ADAMTSL3: variants seen among roughly 807,000 people sequenced by gnomAD.
ADAMTSL3 encodes the protein ADAMTS like 3, also known as ADAMTS-like protein 3.
A neutral mutation model predicts 201.7 loss-of-function variants in ADAMTSL3; 128 were observed. That is an observed-to-expected ratio of 0.63 (90% CI 0.55 to 0.73). The LOEUF is 0.73. Among genes scored for constraint, ADAMTSL3 ranks in the 30% least tolerant of loss-of-function variants. ADAMTSL3 has a pLI of 0.00. For synonymous variants in ADAMTSL3, 738 were observed against 748.4 expected, an observed-to-expected ratio of 0.99 and a Z score of 0.23; for missense variants, 1,990 against 2,119.6, an observed-to-expected ratio of 0.94 and a Z score of 1.20.
chr15:83,920,094 C>G (rs1283910260), intron 16 of ADAMTSL3, among the ~76,000 whole-genome samples: 1 of 152,154 alleles, frequency 6.6e-6, no homozygotes, highest in Non-Finnish European at 1.5e-5. Context: ...ATGAATGATA[C>G]TGATGCATGT....
intron 5 of ADAMTSL3, among the ~76,000 whole-genome samples, chr15:83,814,687 A>G (rs1426996542): frequency 6.6e-6 from 1 of 152,256 alleles, no homozygotes; most frequent in Non-Finnish European, 1.5e-5. Context: ...TTTAGCTCAT[A>G]GTACAACTTG....
At chr15:83,835,156 C>T (rs1224905427) in intron 6 of ADAMTSL3, among the ~76,000 whole-genome samples, 3 of 151,372 alleles carry the variant, frequency 2.0e-5, no homozygotes, top group Admixed American at 1.3e-4. Context: ...ATGGCGTGAA[C>T]CCAGGAGGCA....
chr15:83,957,619 A>G lies in ADAMTSL3; in HGVS notation c.2491-12865A>G, dbSNP rs934998146. Among the ~76,000 whole-genome samples, 75 of 152,122 alleles carry G rather than the reference A, an allele frequency of 4.9e-4. 1 individual carries two copies. The highest frequency in any genetic ancestry group is 1.5e-5 in the Non-Finnish European group (1 of 68,012). On this transcript the variant is annotated intron_variant, in intron 19 of 29. Coordinates refer to ENST00000286744, the MANE Select transcript of ADAMTSL3 (RefSeq NM_207517.3). ...TGAGCAAAAAAGAGGAGTGTTTTGT[A>G]TTTTTGTCCTGGGAAGCTAATGAAT...
chr15:83,677,659 T>A (rs1443223393), intron 2 of ADAMTSL3, among the ~76,000 whole-genome samples: 1 of 152,128 alleles, frequency 6.6e-6, no homozygotes, highest in Non-Finnish European at 1.5e-5. Flanking sequence ...ATTATCATAT[T>A]TGAGGTGAGT....
chr15:83,968,727 C>G (rs926705989), intron 19 of ADAMTSL3, among the ~76,000 whole-genome samples: 1 of 152,200 alleles, frequency 6.6e-6, no homozygotes, highest in Non-Finnish European at 1.5e-5. Context: ...TATTGCAACA[C>G]TGTTCACAAT....
chr15:83,966,489 A>G (rs566731947), intron 19 of ADAMTSL3, among the ~76,000 whole-genome samples: 1 of 152,340 alleles, frequency 6.6e-6, no homozygotes, highest in Admixed American at 6.5e-5. Flanking sequence ...AAGAAGTCAA[A>G]TTCCTGAATA....
At chr15:83,664,989 C>T (rs2061229174) in intron 2 of ADAMTSL3, among the ~76,000 whole-genome samples, 1 of 152,112 alleles carries the variant, frequency 6.6e-6, no homozygotes, top group Non-Finnish European at 1.5e-5. Context: ...TCTGTGGTTG[C>T]TGATCAGGAG....
rs2065493020 is a variant in ADAMTSL3, at chr15:83,891,243, T to C, written c.1212-86T>C. ...TTCCAATTTGGAAGAGCTCTGTCTC[T>C]TGGGATGTCAAATATTATATTCGTC... On this transcript the variant is annotated intron_variant, in intron 11 of 29. Transcript: ENST00000286744. 8 of 1,188,740 alleles carry C rather than the reference T, an allele frequency of 6.7e-6. No homozygotes were observed. In the South Asian group the frequency reaches 1.0e-4, roughly 15 times the overall value. The allele number at this position is 1,188,740 out of a possible 1,614,324, so 73.6% of individuals were successfully genotyped here. A position where few individuals can be genotyped will look rare whatever the true frequency, so the allele number is the denominator to read the frequency against.
intron 3 of ADAMTSL3, among the ~76,000 whole-genome samples, chr15:83,765,012 A>G (rs1438720068): frequency 6.6e-6 from 1 of 152,176 alleles, no homozygotes; most frequent in East Asian, 1.9e-4. Flanking sequence ...GAAAGTGTCA[A>G]CCAAATCCTA....
At chr15:83,885,619 G>A (rs1395752888) in intron 10 of ADAMTSL3, among the ~76,000 whole-genome samples, 2 of 152,064 alleles carry the variant, frequency 1.3e-5, no homozygotes, top group Non-Finnish European at 2.9e-5. Flanking sequence ...TGGTTCTAAC[G>A]TTAGATTTAC....
At chr15:83,955,727 C>T (rs925641939) in intron 19 of ADAMTSL3, among the ~76,000 whole-genome samples, 3 of 152,052 alleles carry the variant, frequency 2.0e-5, no homozygotes, top group Non-Finnish European at 2.9e-5. Flanking sequence ...TAGGACCTGG[C>T]ATGGGGGCTT....
chr15:83,845,608 A>G (rs954310647), intron 7 of ADAMTSL3, among the ~76,000 whole-genome samples: 9 of 152,212 alleles, frequency 5.9e-5, no homozygotes, highest in African/African-American at 2.2e-4. Flanking sequence ...CTGAAAATCT[A>G]TTAAGTGTGT....
At chr15:84,037,459 C>CA (rs2141952743) in intron 29 of ADAMTSL3, among the ~76,000 whole-genome samples, 1 of 152,280 alleles carries the variant, frequency 6.6e-6, no homozygotes, top group East Asian at 1.9e-4. Flanking sequence ...TCTGAGAACT[C>CA]AAAGGAGCAG....
chr15:83,707,454 A>G (rs1041977297), intron 3 of ADAMTSL3, among the ~76,000 whole-genome samples: 7 of 152,234 alleles, frequency 4.6e-5, no homozygotes, highest in Non-Finnish European at 8.8e-5. Context: ...TTATTGAGCT[A>G]TAACATATGT....
chr15:84,014,507 G>A (rs993668892), intron 23 of ADAMTSL3, 35 bp from the exon 24 acceptor site: 3 of 1,590,544 alleles, frequency 1.9e-6, no homozygotes, highest in Admixed American at 1.7e-5. Flanking sequence ...GTTCTTAAAG[G>A]AATTGCCTTT....
At chr15:83,883,473 C>T (rs1288789409) in intron 9 of ADAMTSL3, among the ~76,000 whole-genome samples, 1 of 151,262 alleles carries the variant, frequency 6.6e-6, no homozygotes, top group Non-Finnish European at 1.5e-5. Context: ...ACGCCTGGCC[C>T]ACCATATTTA....
intron 2 of ADAMTSL3, among the ~76,000 whole-genome samples, chr15:83,661,807 A>C (rs1431216986): frequency 1.7e-4 from 25 of 150,306 alleles, no homozygotes; most frequent in Admixed American, 1.6e-3. Flanking sequence ...ATGCAGCCAA[A>C]AAACACATGA....
intron 17 of ADAMTSL3, among the ~76,000 whole-genome samples, chr15:83,926,328 G>T (rs969269856): frequency 1.3e-5 from 2 of 152,176 alleles, no homozygotes; most frequent in African/African-American, 4.8e-5. Context: ...CAAGGGCCAC[G>T]GTAAGCACTT....
chr15:83,997,017 C>T (rs939130885), intron 23 of ADAMTSL3, among the ~76,000 whole-genome samples: 2 of 152,134 alleles, frequency 1.3e-5, no homozygotes, highest in African/African-American at 4.8e-5. Flanking sequence ...GGACATCATA[C>T]ACTGCTGGTC....
Sources: gnomAD v4.1 joint callset for allele counts (sites outside exome capture counted in the v4.1 genomes callset) on GRCh38, gnomAD v4.1.1 for gene constraint, MANE v1.5 for transcripts, NCBI Gene and HGNC (gene_info 2026-07-23, HGNC 2026-07-21) for gene names.